The following HOXD11 variants were observed in gnomAD, a reference collection of about 807,000 sequenced individuals.
HOXD11 encodes homeobox protein Hox-D11.
HOXD11 carries 16 observed loss-of-function variants against 23.1 expected under a neutral mutation model. The ratio of observed to expected loss-of-function variants is 0.69; its 90% confidence interval spans 0.47 to 1.05. The LOEUF is 1.05. Ranked by LOEUF, HOXD11 falls within the 50% of genes least tolerant of loss-of-function variation. The pLI, the probability that HOXD11 is intolerant of heterozygous loss-of-function variation, is 0.00. For synonymous variants in HOXD11, 262 were observed against 224.4 expected (o/e 1.17, Z -1.50); for missense variants, 564 against 495.6 (o/e 1.14, Z -1.31).
At position 176,108,042 on chromosome 2, in the gene HOXD11, C is replaced by T. The variant is rs1323657281; in HGVS notation, c.687C>T (p.Thr229=). 2.7e-6 allele frequency: 4 copies of T among 1,490,138 alleles called. No homozygotes were observed. Among genetic ancestry groups the T allele is most frequent in the Non-Finnish European group, 3.6e-6 (4 of 1,125,774 alleles). The allele number at this position is 1,490,138 out of a possible 1,614,324, so 92.3% of individuals were successfully genotyped here. The change falls in exon 1 of 2, where the codon ACC becomes ACT. Residue 229 remains threonine, a synonymous_variant. Transcript: ENST00000249504. ...GGGGSPCTKA[T]PGSEPKGAAE... is the part of the protein sequence containing the mutation. ...GGGGCAGTCCCTGCACCAAGGCGACCCCTGGCTCGGAGCCCAAGGGGGCAG... is the reference window on the plus strand; with the variant it reads ...GGGGCAGTCCCTGCACCAAGGCGACTCCTGGCTCGGAGCCCAAGGGGGCAG...
chr2:176,108,889 G>A lies in HOXD11; in HGVS notation c.782-18G>A. 1 of 1,581,864 alleles carries A rather than the reference G, an allele frequency of 6.3e-7. No homozygotes were observed. Among genetic ancestry groups the A allele is most frequent in the Non-Finnish European group, 8.7e-7 (1 of 1,151,120 alleles). ...CAGGCAGCGGCCTCTCTCACCCCCT[G>A]GTCTCTTTGCCTTGCAGTTGCCCCC... On this transcript the variant is annotated intron_variant, in intron 1 of 1. Coordinates refer to ENST00000249504, the MANE Select transcript of HOXD11 (RefSeq NM_021192.3).
At chr2:176,108,882 A>G (rs775590699) in intron 1 of HOXD11, 25 bp from the exon 2 acceptor site, 50 of 1,553,610 alleles carry the variant, frequency 3.2e-5, no homozygotes, top group Non-Finnish European at 4.2e-5. Flanking sequence ...GGCCTCTCTC[A>G]CCCCCTGGTC....
intron 1 of HOXD11, 78 bp from the exon 2 acceptor site, chr2:176,108,829 T>G: frequency 1.0e-6 from 1 of 972,880 alleles, no homozygotes; most frequent in Non-Finnish European, 1.5e-6. Context: ...TGGCCCTCGC[T>G]CAGTGGCCCG....
rs747136473 is a variant in HOXD11, at chr2:176,109,103, A to G, written c.978A>G (p.Arg326=). 6.2e-7 allele frequency: 1 copy of G among 1,614,074 alleles called. No homozygotes were observed. The highest frequency in any genetic ancestry group is 1.1e-5 in the South Asian group (1 of 91,076). The change falls in exon 2 of 2, where the codon AGA becomes AGG. Residue 326 remains arginine, a synonymous_variant. Coordinates refer to ENST00000249504, the MANE Select transcript of HOXD11 (RefSeq NM_021192.3). The part of the protein sequence containing the change: ...NRRMKEKKLN[R]DRLQYFTGNP... ...GGATGAAAGAAAAGAAACTGAACAG[A>G]GACCGTCTGCAGTATTTCACTGGAA...
In HOXD11 at chr2:176,107,436, C is replaced by T; in HGVS notation, c.81C>T (p.Asp27=). 6 of 1,614,000 alleles carry T rather than the reference C, an allele frequency of 3.7e-6. No individual in the cohort carries two copies. The highest frequency in any genetic ancestry group is 5.1e-6 in the Non-Finnish European group (6 of 1,179,944). The change falls in exon 1 of 2, where the codon GAC becomes GAT. Residue 27 remains aspartate (D), a synonymous_variant. Coordinates refer to ENST00000249504, the MANE Select transcript of HOXD11 (RefSeq NM_021192.3). ...GCGCCTACTATGTGGCCCCGTCTGA[C>T]TTCGCTAGCAAGCCTTCGTTCCTTT... ...PGCAYYVAPS[D]FASKPSFLSQ... is the part of the protein sequence containing the mutation.
the HOXD11 span, among the ~76,000 whole-genome samples, chr2:176,115,144 TGGTAGTG>T: frequency 6.6e-6 from 1 of 152,096 alleles, no homozygotes; most frequent in African/African-American, 2.4e-5. Flanking sequence ...GTGGTAGTGG[TGGTAGTG>T]GTGGTAGTGG....
At chr2:176,110,311 A>G (rs1689656446), downstream of HOXD11, among the ~76,000 whole-genome samples, 1 of 152,230 alleles carries the variant, frequency 6.6e-6, no homozygotes, top group African/African-American at 2.4e-5. Context: ...TCTAGACAAC[A>G]CCATAAAAGC....
chr2:176,115,265 C>T, the HOXD11 span, among the ~76,000 whole-genome samples: 2 of 152,366 alleles, frequency 1.3e-5, no homozygotes, highest in South Asian at 2.1e-4. Context: ...ATTCCCACCT[C>T]CTTCCCCTCC....
chr2:176,108,811 C>T lies in HOXD11; in HGVS notation c.782-96C>T, dbSNP rs978689252. The T allele has an allele frequency of 5.0e-6, 4 of 798,000 alleles. No individual in the cohort carries two copies. The African/African-American group carries it at 5.3e-5, about 11-fold the overall frequency. The allele number at this position is 798,000 out of a possible 1,614,324, so 49.4% of individuals were successfully genotyped here. A position where few individuals can be genotyped will look rare whatever the true frequency, so the allele number is the denominator to read the frequency against. On this transcript the variant is annotated intron_variant, in intron 1 of 1. Coordinates refer to ENST00000249504, the MANE Select transcript of HOXD11 (RefSeq NM_021192.3). ...GCGGCAGAGAACGTCCCCAACGGGG[C>T]CAGGGCCTGGCCCTCGCTCAGTGGC...
chr2:176,107,954 C>T lies in HOXD11; in HGVS notation c.599C>T (p.Ala200Val). Residue 200 changes from alanine (A) to valine (V), a missense_variant, in exon 1 of 2, where the codon GCG (alanine) becomes GTG (valine). By Grantham distance (64) the Ala-to-Val change is moderately conservative (BLOSUM62 0). Transcript: ENST00000249504. ...FAGPQPPPPP[A>V]PPQPEGAADK... ...GGGCCGCAGCCCCCGCCGCCACCCG[C>T]GCCGCCACAGCCCGAGGGCGCAGCC... is the stretch of plus-strand genomic sequence containing the variant. 1.4e-6 allele frequency: 2 copies of T among 1,399,258 alleles called. No homozygotes were observed. Among genetic ancestry groups the T allele is most frequent in the Non-Finnish European group, 1.8e-6 (2 of 1,081,296 alleles). 86.7% of individuals were successfully genotyped at this position (1,399,258 alleles called of 1,614,324 possible).
chr2:176,113,250 G>T (rs890212289), downstream of HOXD11, among the ~76,000 whole-genome samples: 1 of 152,174 alleles, frequency 6.6e-6, no homozygotes, highest in Admixed American at 6.5e-5. Context: ...CTAATCCGGG[G>T]TGACCCTAAG....
downstream of HOXD11, among the ~76,000 whole-genome samples, chr2:176,112,339 G>C (rs1204007525): frequency 6.6e-6 from 1 of 152,226 alleles, no homozygotes; most frequent in Non-Finnish European, 1.5e-5. Context: ...GTTCACAAGA[G>C]AGGAGACAGG....
intron 1 of HOXD11, 108 bp from the exon 2 acceptor site, chr2:176,108,799 T>A: frequency 1.5e-6 from 1 of 651,346 alleles, no homozygotes; most frequent in African/African-American, 2.5e-5. Flanking sequence ...GCAGAGAACG[T>A]CCCCAACGGG....
Position 176,107,385 on chromosome 2 carries a change from C to A in HOXD11, c.30C>A (p.Ser10Arg). Residue 10 changes from serine (S) to arginine (R), a missense_variant, in exon 1 of 2, where the codon AGC becomes AGA. Coordinates refer to ENST00000249504, the MANE Select transcript of HOXD11 (RefSeq NM_021192.3). MNDFDECGQ[S>R]AASMYLPGCA... ...ACGACTTTGACGAGTGCGGCCAGAG[C>A]GCAGCCAGCATGTACCTGCCGGGCT... is the stretch of plus-strand genomic sequence containing the variant. 1 of 1,611,928 alleles carries A rather than the reference C, an allele frequency of 6.2e-7. No homozygotes were observed. The highest frequency in any genetic ancestry group is 2.2e-5 in the East Asian group (1 of 44,734).
At chr2:176,108,183 G>GC in intron 1 of HOXD11, 47 bp downstream of exon 1, 1 of 857,084 alleles carries the variant, frequency 1.2e-6, no homozygotes, top group Non-Finnish European at 1.6e-6. Flanking sequence ...GGCCGCGGGG[G>GC]AGGGGGGGGG....
Position 176,108,794 on chromosome 2 carries a change from G to A in HOXD11, c.782-113G>A, listed in dbSNP as rs1179574426. ...GGCAGGGCCTTTCGGCCGCGGCAGA[G>A]AACGTCCCCAACGGGGCCAGGGCCT... On this transcript the variant is annotated intron_variant, in intron 1 of 1. Transcript: ENST00000249504. The A allele has an allele frequency of 7.4e-6, 5 of 679,394 alleles. No individual in the cohort carries two copies. In the South Asian group the frequency reaches 9.7e-5, roughly 13 times the overall value. The allele number at this position is 679,394 out of a possible 1,614,324, so 42.1% of individuals were successfully genotyped here. A position where few individuals can be genotyped will look rare whatever the true frequency, so the allele number is the denominator to read the frequency against.
the HOXD11 span, among the ~76,000 whole-genome samples, chr2:176,115,476 A>G: frequency 1.3e-5 from 2 of 152,274 alleles, no homozygotes; most frequent in Non-Finnish European, 2.9e-5. Context: ...GGTAAATTTA[A>G]CTATTAATCT....
chr2:176,113,442 C>T (rs575925602), downstream of HOXD11, among the ~76,000 whole-genome samples: 1 of 152,210 alleles, frequency 6.6e-6, no homozygotes, highest in Non-Finnish European at 1.5e-5. Context: ...TATTCATCTC[C>T]TTTATGGTGC....
chr2:176,108,557 G>T (rs1689622728), intron 1 of HOXD11, among the ~76,000 whole-genome samples: 1 of 152,058 alleles, frequency 6.6e-6, no homozygotes, highest in Non-Finnish European at 1.5e-5. Context: ...CGCGCCGCTG[G>T]AGTCAAGCAG....
Sources: allele counts gnomAD v4.1 joint callset (sites outside exome capture counted in the v4.1 genomes callset), GRCh38; gene constraint gnomAD v4.1.1; transcripts MANE v1.5; gene names NCBI Gene and HGNC (gene_info 2026-07-23, HGNC 2026-07-21).